The following DLGAP2 variants were observed in gnomAD, a reference collection of about 807,000 sequenced individuals.
DLGAP2 encodes the protein disks large-associated protein 2.
In DLGAP2, 26 loss-of-function variants were observed where a neutral mutation model predicts 100.3. The ratio of observed to expected loss-of-function variants is 0.26; its 90% CI spans 0.19 to 0.36. The LOEUF (loss-of-function observed/expected upper bound fraction) is 0.36, where lower values mean the gene tolerates loss of function less well. DLGAP2 is among the 10% of genes least tolerant of loss of function. The pLI, the probability that DLGAP2 is intolerant of heterozygous loss-of-function variation, is 1.00. For synonymous variants in DLGAP2, 886 were observed against 630.1 expected (o/e 1.41, Z -6.08); for missense variants, 1,858 against 1,453.2 (o/e 1.28, Z -4.53).
chr8:1,268,397 C>T (rs980123970), intron 3 of DLGAP2, among the ~76,000 whole-genome samples: 2 of 152,106 alleles, frequency 1.3e-5, no homozygotes, highest in African/African-American at 4.8e-5. Context: ...GAATTATTCT[C>T]AGTAATTCAT....
chr8:1,544,790 T>C (rs1801477952), intron 4 of DLGAP2, among the ~76,000 whole-genome samples: 1 of 151,632 alleles, frequency 6.6e-6, no homozygotes. Flanking sequence ...TGGAGTGCAG[T>C]GGTGTAATCT....
chr8:811,168 G>A (rs925142896), intron 1 of DLGAP2, among the ~76,000 whole-genome samples: 12 of 152,236 alleles, frequency 7.9e-5, no homozygotes, highest in African/African-American at 2.7e-4. Flanking sequence ...CTGTGGGCGC[G>A]AGCAAGTAAC....
chr8:1,298,771 A>G (rs1388216098), intron 3 of DLGAP2, among the ~76,000 whole-genome samples: 1 of 152,200 alleles, frequency 6.6e-6, no homozygotes, highest in Non-Finnish European at 1.5e-5. Context: ...TAAACTAAAG[A>G]CTTCTATTTG....
intron 3 of DLGAP2, among the ~76,000 whole-genome samples, chr8:1,472,146 T>C (rs948638840): frequency 6.6e-6 from 1 of 152,200 alleles, no homozygotes; most frequent in Non-Finnish European, 1.5e-5. Flanking sequence ...GAGCAGGACA[T>C]GCAGAGCTCA....
intron 6 of DLGAP2, among the ~76,000 whole-genome samples, chr8:1,616,118 T>C (rs1051900060): frequency 2.0e-5 from 3 of 151,860 alleles, no homozygotes; most frequent in Admixed American, 2.0e-4. Flanking sequence ...AAATGAAAAA[T>C]TTATGGGATG....
chr8:1,424,351 C>T lies in DLGAP2; in HGVS notation c.107-77015C>T, dbSNP rs544762778. ...CAAGGGCCCACTATGAGCCAAGCCC[C>T]TTGTTACACATTTTTCTCATTTTTC... On this transcript the variant is annotated intron_variant, in intron 3 of 14. Coordinates refer to ENST00000637795, the MANE Select transcript of DLGAP2 (RefSeq NM_001346810.2). Among the ~76,000 whole-genome samples, 116 of 152,320 alleles carry T rather than the reference C, an allele frequency of 7.6e-4. 1 individual carries two copies. The highest frequency in any genetic ancestry group is 2.7e-3 in the African/African-American group (113 of 41,562).
At chr8:781,986 A>G (rs1174536794) in intron 1 of DLGAP2, among the ~76,000 whole-genome samples, 1 of 152,206 alleles carries the variant, frequency 6.6e-6, no homozygotes, top group Non-Finnish European at 1.5e-5. Context: ...TTAAAAGGAA[A>G]GAGAAAACCT....
chr8:1,088,532 A>C (rs1804053139), intron 2 of DLGAP2, among the ~76,000 whole-genome samples: 1 of 152,192 alleles, frequency 6.6e-6, no homozygotes, highest in South Asian at 2.1e-4. Flanking sequence ...AAAGCTGTCA[A>C]ATCTCTGACA....
At chr8:1,428,449 T>C in intron 3 of DLGAP2, among the ~76,000 whole-genome samples, 1 of 152,076 alleles carries the variant, frequency 6.6e-6, no homozygotes, top group East Asian at 1.9e-4. Flanking sequence ...AGTGAGTATG[T>C]GCCAGGGAAT....
chr8:932,838 A>G (rs934743864), intron 2 of DLGAP2, among the ~76,000 whole-genome samples: 1 of 152,232 alleles, frequency 6.6e-6, no homozygotes, highest in Non-Finnish European at 1.5e-5. Flanking sequence ...ATTTCTTAAG[A>G]TGAAGAAATG....
intron 2 of DLGAP2, among the ~76,000 whole-genome samples, chr8:1,175,359 C>A (rs1046317927): frequency 1.3e-5 from 2 of 152,148 alleles, no homozygotes; most frequent in Non-Finnish European, 2.9e-5. Context: ...CACATCTAAT[C>A]TAAAAGAGTC....
intron 1 of DLGAP2, among the ~76,000 whole-genome samples, chr8:809,792 G>C (rs578044481): frequency 6.6e-6 from 1 of 152,234 alleles, no homozygotes; most frequent in East Asian, 1.9e-4. Context: ...CCATTCTCCC[G>C]GTGTCCTAAG....
At chr8:1,005,009 T>C (rs1348332282) in intron 2 of DLGAP2, among the ~76,000 whole-genome samples, 1 of 152,106 alleles carries the variant, frequency 6.6e-6, no homozygotes, top group African/African-American at 2.4e-5. Context: ...TGTGTAGTGG[T>C]TGAATGAGAT....
chr8:1,263,071 A>C (rs931088788), intron 3 of DLGAP2, among the ~76,000 whole-genome samples: 2 of 152,196 alleles, frequency 1.3e-5, no homozygotes, highest in Non-Finnish European at 2.9e-5. Flanking sequence ...AAATCTAAGA[A>C]ATAAAATCAG....
At chr8:920,950 G>A (rs894008075) in intron 2 of DLGAP2, among the ~76,000 whole-genome samples, 2 of 152,066 alleles carry the variant, frequency 1.3e-5, no homozygotes, top group African/African-American at 2.4e-5. Flanking sequence ...ACTTTCCCTC[G>A]TTTTTGTTAC....
intron 3 of DLGAP2, among the ~76,000 whole-genome samples, chr8:1,421,397 C>G (rs560526026): frequency 6.6e-6 from 1 of 152,150 alleles, no homozygotes. Context: ...ACATCCCATT[C>G]TGAGGCTCTC....
intron 2 of DLGAP2, among the ~76,000 whole-genome samples, chr8:1,068,357 T>G (rs1803320054): frequency 1.3e-5 from 2 of 152,250 alleles, no homozygotes; most frequent in Admixed American, 1.3e-4. Context: ...AGCATGTGCT[T>G]AGTTTTGTAA....
In DLGAP2 at chr8:1,255,040, C is replaced by CTTGGG. The variant is rs1563043465; in HGVS notation, c.74-3811_74-3810insTTGGG. ...TGTGTGTGTGTCTTCTCCTGCCCAG[C>CTTGGG]CGCTGTGTGTGTGTCCTCTCATCCT... On this transcript the variant is annotated intron_variant, in intron 2 of 14. Coordinates refer to ENST00000637795, the MANE Select transcript of DLGAP2 (RefSeq NM_001346810.2). 1.9e-3 allele frequency among the ~76,000 whole-genome samples: 115 copies of CTTGGG among 61,480 alleles called. 3 individuals carry two copies. The highest frequency in any genetic ancestry group is 9.6e-3 in the Middle Eastern group (1 of 104). 40.3% of individuals were successfully genotyped at this position (61,480 alleles called of 152,430 possible). A position where few individuals can be genotyped will look rare whatever the true frequency, so the allele number is the denominator to read the frequency against.
intron 4 of DLGAP2, among the ~76,000 whole-genome samples, chr8:1,514,209 T>C (rs540047865): frequency 6.6e-6 from 1 of 152,358 alleles, no homozygotes; most frequent in South Asian, 2.1e-4. Context: ...ATTAGAGATA[T>C]GTTTTCTCTC....
Sources: allele counts gnomAD v4.1 joint callset (sites outside exome capture counted in the v4.1 genomes callset), GRCh38; gene constraint gnomAD v4.1.1; transcripts MANE v1.5; gene names NCBI Gene and HGNC (gene_info 2026-07-23, HGNC 2026-07-21).